PYY: variants seen among roughly 807,000 people sequenced by gnomAD.
PYY encodes peptide tyrosine tyrosine.
In PYY, 12 loss-of-function variants were observed where a neutral mutation model predicts 10.3. The observed-to-expected ratio is 1.17, with a 90% CI of 0.75 to 1.89. The LOEUF (loss-of-function observed/expected upper bound fraction) is 1.89. Ranked by LOEUF, PYY falls within the 40% of genes most tolerant of loss-of-function variation. The pLI is 0.00. For missense variants in PYY, 141 were observed against 134.0 expected, an observed-to-expected ratio of 1.05 and a Z score of -0.26; for synonymous variants, 66 against 62.0, an observed-to-expected ratio of 1.06 and a Z score of -0.30.
upstream of PYY, among the ~76,000 whole-genome samples, chr17:43,958,366 C>T (rs1436308349): frequency 1.3e-5 from 2 of 151,726 alleles, no homozygotes; most frequent in African/African-American, 4.8e-5. Context: ...GTGTGAGTCA[C>T]TGTGCCTGAC....
At chr17:43,992,135 A>AC (rs1369520740) in intron 1 of PYY, among the ~76,000 whole-genome samples, 3 of 151,786 alleles carry the variant, frequency 2.0e-5, no homozygotes, top group African/African-American at 7.2e-5. Context: ...AAAAAAAAAA[A>AC]AAAAAAACCT....
chr17:43,958,641 A>G (rs2048691839), upstream of PYY, among the ~76,000 whole-genome samples: 1 of 152,170 alleles, frequency 6.6e-6, no homozygotes, highest in Non-Finnish European at 1.5e-5. Context: ...TGGCCTCCCA[A>G]AGTGCTGGGA....
At chr17:43,961,542 T>C (rs1374295701) in intron 2 of PYY, among the ~76,000 whole-genome samples, 1 of 152,142 alleles carries the variant, frequency 6.6e-6, no homozygotes, top group Admixed American at 6.5e-5. Flanking sequence ...CATTTTCTTT[T>C]TCTTTTTACT....
chr17:43,995,724 C>T (rs1189448534), intron 1 of PYY, among the ~76,000 whole-genome samples: 1 of 149,426 alleles, frequency 6.7e-6, no homozygotes, highest in East Asian at 2.1e-4. Flanking sequence ...GTCCCAGCTA[C>T]TTGGGAGGCT....
intron 2 of PYY, among the ~76,000 whole-genome samples, chr17:43,963,574 G>GAAAGAAAGAAAGAAAGAAAGA (rs2048729077): frequency 5.8e-5 from 3 of 51,310 alleles, no homozygotes; most frequent in African/African-American, 1.9e-4. Context: ...GGAAGGAAAA[G>GAAAGAAAGAAAGAAAGAAAGA]AAAGAAAGAA....
intron 2 of PYY, among the ~76,000 whole-genome samples, chr17:43,963,737 G>A (rs150754996): frequency 6.6e-6 from 1 of 152,156 alleles, no homozygotes; most frequent in African/African-American, 2.4e-5. Flanking sequence ...GGAAGCCGAG[G>A]TGGGTGGATC....
At chr17:43,990,368 G>A (rs182407247) in intron 1 of PYY, among the ~76,000 whole-genome samples, 7 of 150,892 alleles carry the variant, frequency 4.6e-5, no homozygotes, top group Non-Finnish European at 5.9e-5. Flanking sequence ...GAAGCCAGGA[G>A]GTGGAGGTTG....
intron 2 of PYY, among the ~76,000 whole-genome samples, chr17:43,959,844 A>G (rs1262343267): frequency 2.6e-5 from 4 of 152,234 alleles, no homozygotes; most frequent in Non-Finnish European, 5.9e-5. Context: ...TAAGGGCCCA[A>G]CAGTCTCAAG....
intron 1 of PYY, among the ~76,000 whole-genome samples, chr17:43,991,827 A>G (rs893077234): frequency 8.3e-5 from 10 of 120,884 alleles, no homozygotes; most frequent in African/African-American, 3.1e-4. Flanking sequence ...GTCTCAAAAG[A>G]AAAAAAAAAA....
chr17:43,953,220 G>C (rs376358513), intron 2 of PYY, 31 bp from the exon 3 acceptor site: 22 of 1,611,932 alleles, frequency 1.4e-5, no homozygotes, highest in Middle Eastern at 1.6e-4. Flanking sequence ...AGCGTGGTCA[G>C]ATCTGGCCAC....
chr17:43,967,022 G>C (rs571487131), intron 1 of PYY, among the ~76,000 whole-genome samples: 5 of 152,214 alleles, frequency 3.3e-5, no homozygotes, highest in Non-Finnish European at 7.3e-5. Flanking sequence ...AAAGCAAAAG[G>C]CCAGACGCGG....
intron 1 of PYY, among the ~76,000 whole-genome samples, chr17:43,978,942 G>T (rs1376936510): frequency 6.6e-6 from 1 of 152,162 alleles, no homozygotes; most frequent in African/African-American, 2.4e-5. Context: ...TATCCATAAA[G>T]GTCTGTTTTT....
At chr17:43,984,659 T>A (rs1024814923) in intron 1 of PYY, among the ~76,000 whole-genome samples, 1 of 152,134 alleles carries the variant, frequency 6.6e-6, no homozygotes, top group Non-Finnish European at 1.5e-5. Flanking sequence ...GACACCAGCG[T>A]GTTAGCCCCA....
exon 2 of PYY, chr17:43,966,389 T>G (rs770403065): frequency 6.5e-6 from 1 of 152,838 alleles, no homozygotes; most frequent in Non-Finnish European, 1.5e-5. Context: ...AAATCTTGAC[T>G]TCACTCCACC....
At chr17:44,000,132 C>T (rs1221797985) in intron 1 of PYY, among the ~76,000 whole-genome samples, 1 of 152,156 alleles carries the variant, frequency 6.6e-6, no homozygotes, top group African/African-American at 2.4e-5. Context: ...ATCCTCCCAC[C>T]TCCGCGTCCT....
intron 2 of PYY, among the ~76,000 whole-genome samples, chr17:43,964,727 C>T (rs1261801771): frequency 2.0e-5 from 3 of 152,042 alleles, no homozygotes; most frequent in Non-Finnish European, 2.9e-5. Flanking sequence ...CGCTTGAACC[C>T]GGGAGGCGGA....
At chr17:43,988,773 T>C (rs1190636052) in intron 1 of PYY, among the ~76,000 whole-genome samples, 1 of 151,428 alleles carries the variant, frequency 6.6e-6, no homozygotes, top group Non-Finnish European at 1.5e-5. Context: ...TTCTGTCTTT[T>C]TTTTTTTGAG....
At chr17:43,963,782 A>T (rs2048736035) in intron 2 of PYY, among the ~76,000 whole-genome samples, 1 of 151,178 alleles carries the variant, frequency 6.6e-6, no homozygotes, top group Non-Finnish European at 1.5e-5. Flanking sequence ...AGACTGGGCA[A>T]CATAAAGAGA....
intron 1 of PYY, among the ~76,000 whole-genome samples, chr17:43,990,607 C>T (rs983366114): frequency 1.3e-5 from 2 of 151,872 alleles, no homozygotes; most frequent in Non-Finnish European, 2.9e-5. Flanking sequence ...TACATGCAAT[C>T]GGGAGATACA....
Sources: allele counts gnomAD v4.1 joint callset (sites outside exome capture counted in the v4.1 genomes callset), GRCh38; gene constraint gnomAD v4.1.1; transcripts MANE v1.5; gene names NCBI Gene and HGNC (gene_info 2026-07-23, HGNC 2026-07-21).